Variants in CNNM3 observed in about 807,000 individuals in gnomAD.
The protein encoded by CNNM3 is cyclin and CBS domain divalent metal cation transport mediator 3.
Under a neutral mutation model 57.1 loss-of-function variants are expected in CNNM3, and 47 were observed. The observed-to-expected ratio is 0.82, with a 90% CI of 0.65 to 1.05. The LOEUF is 1.05. Ranked by LOEUF, CNNM3 falls within the 50% of genes least tolerant of loss-of-function variation. The pLI, the probability that CNNM3 is intolerant of heterozygous loss-of-function variation, is 0.00. For missense variants in CNNM3, 957 were observed against 973.7 expected, an observed-to-expected ratio of 0.98 and a Z score of 0.23; for synonymous variants, 507 against 478.2, an observed-to-expected ratio of 1.06 and a Z score of -0.79.
chr2:96,828,877 C>T lies in CNNM3; in HGVS notation c.1921-119C>T, dbSNP rs1334298169. On this transcript the variant is annotated intron_variant, in intron 6 of 7. Coordinates refer to ENST00000305510, the MANE Select transcript of CNNM3 (RefSeq NM_017623.5). Reference sequence around the variant, plus strand: ...AAACACTTGACTCAGTTGCTCTTCTCTGCCCTTAACTAGCTTAAAGTTGTG... The same window carrying T: ...AAACACTTGACTCAGTTGCTCTTCTTTGCCCTTAACTAGCTTAAAGTTGTG... 3.3e-6 allele frequency: 5 copies of T among 1,509,370 alleles called. No individual in the cohort carries two copies. The East Asian group carries it at 9.1e-5, about 27-fold the overall frequency. 93.5% of individuals were successfully genotyped at this position (1,509,370 alleles called of 1,614,324 possible).
At chr2:96,825,012 TG>T (rs745420372) in intron 1 of CNNM3, 45 bp from the exon 2 acceptor site, 24 of 1,602,820 alleles carry the variant, frequency 1.5e-5, no homozygotes, top group South Asian at 7.8e-5. Context: ...TGAATCAAAC[TG>T]GGGGGGGCCC....
chr2:96,819,592 C>A (rs2079377129), intron 1 of CNNM3, among the ~76,000 whole-genome samples: 1 of 152,160 alleles, frequency 6.6e-6, no homozygotes. Context: ...CTAGGCAGGT[C>A]ACCAGACTTC....
chr2:96,828,925 T>A, intron 6 of CNNM3, 71 bp from the exon 7 acceptor site: 6 of 1,592,602 alleles, frequency 3.8e-6, no homozygotes, highest in Non-Finnish European at 5.2e-6. Context: ...TCGGGCACGG[T>A]GTCACCTTTC....
At chr2:96,818,497 C>G (rs1053654207) in intron 1 of CNNM3, among the ~76,000 whole-genome samples, 1 of 151,712 alleles carries the variant, frequency 6.6e-6, no homozygotes, top group African/African-American at 2.4e-5. Context: ...GTGATCCTCC[C>G]ACCTTGGCCT....
rs376888675 is a variant in CNNM3, at chr2:96,825,052, C to A, written c.1226-6C>A. ...AAGCTGTTCCATGAGTGTCCTCCCC[C>A]CACAGGGAAGTCCCACCTGGCCATC... On this transcript the variant is annotated splice_polypyrimidine_tract_variant and splice_region_variant and intron_variant, in intron 1 of 7. Coordinates refer to ENST00000305510, the MANE Select transcript of CNNM3 (RefSeq NM_017623.5). 6 of 1,612,228 alleles carry A rather than the reference C, an allele frequency of 3.7e-6. No homozygotes were observed. Among genetic ancestry groups the A allele is most frequent in the African/African-American group, 2.7e-5 (2 of 74,864 alleles).
chr2:96,832,748 G>C lies in CNNM3; in HGVS notation c.*132G>C. 2.6e-6 allele frequency: 4 copies of C among 1,534,912 alleles called. No homozygotes were observed. In the South Asian group the frequency reaches 3.6e-5, roughly 14 times the overall value. ...CGTTTTAGATGGCCCTTGTAGTTGCGGGTCCTGGGTGTCCTCAGAACTAGA... is the reference window on the plus strand; with the variant it reads ...CGTTTTAGATGGCCCTTGTAGTTGCCGGTCCTGGGTGTCCTCAGAACTAGA... On this transcript the variant is annotated 3_prime_UTR_variant, in exon 8 of 8. Coordinates refer to ENST00000305510, the MANE Select transcript of CNNM3 (RefSeq NM_017623.5).
intron 5 of CNNM3, 135 bp downstream of exon 5, chr2:96,828,330 C>A (rs2079544844): frequency 1.1e-6 from 1 of 871,378 alleles, no homozygotes; most frequent in Non-Finnish European, 1.8e-6. Flanking sequence ...GGTGGTGTAG[C>A]CCCTGGGCTT....
chr2:96,834,877 A>C lies in CNNM3; in HGVS notation c.*2261A>C, dbSNP rs189291680. ...TTTTCCTAACTTTATATTTTGAAAT[A>C]ATTTCAGATGATAGGAAGTTGTAAA... is the stretch of plus-strand genomic sequence containing the variant. On this transcript the variant is annotated 3_prime_UTR_variant, in exon 8 of 8. Coordinates refer to ENST00000305510, the MANE Select transcript of CNNM3 (RefSeq NM_017623.5). Among the ~76,000 whole-genome samples the C allele has an allele frequency of 6.6e-6, 1 of 152,190 alleles. No individual in the cohort carries two copies. Among genetic ancestry groups the C allele is most frequent in the Non-Finnish European group, 1.5e-5 (1 of 68,034 alleles).
At chr2:96,827,029 G>A (rs928473049) in intron 3 of CNNM3, 47 bp downstream of exon 3, 8 of 1,597,184 alleles carry the variant, frequency 5.0e-6, no homozygotes, top group Non-Finnish European at 6.0e-6. Context: ...TCACCGTTCT[G>A]TGGGTCAGGA....
chr2:96,827,805 C>G lies in CNNM3; in HGVS notation c.1594C>G (p.Gln532Glu). 2 of 1,614,192 alleles carry G rather than the reference C, an allele frequency of 1.2e-6. No homozygotes were observed. The highest frequency in any genetic ancestry group is 1.7e-6 in the Non-Finnish European group (2 of 1,180,034). The change falls in exon 4 of 8, where the codon CAG becomes GAG. Residue 532 changes from glutamine to glutamate, a missense_variant. Gln to Glu is a conservative substitution (Grantham distance 29). Transcript: ENST00000305510. Reference sequence around the variant, plus strand: ...CCTGTTGAAGCATCCCAGTGTCAACCAGGAAGTGAGGTTTGACGAGAGCAA... The same window carrying G: ...CCTGTTGAAGCATCCCAGTGTCAACGAGGAAGTGAGGTTTGACGAGAGCAA... Reference protein sequence around the residue: ...LHLLKHPSVNQEVRFDESNRL... With the variant: ...LHLLKHPSVNEEVRFDESNRL...
Position 96,817,211 on chromosome 2 carries a change from C to T in CNNM3, c.934C>T (p.Arg312Trp). ...TCTCAGCAAGGGCGTGCTGCGCTGC[C>T]GGACCGTGGAGGACGTGCTCACGCC... ...SDLSKGVLRC[R>W]TVEDVLTPLE... The change falls in exon 1 of 8, where the codon CGG (arginine) becomes TGG (tryptophan). Residue 312 changes from arginine to tryptophan, a missense_variant. By Grantham distance (101) the Arg-to-Trp change is moderately radical. Transcript: ENST00000305510. 3 of 1,595,924 alleles carry T rather than the reference C, an allele frequency of 1.9e-6. No homozygotes were observed. The highest frequency in any genetic ancestry group is 2.6e-6 in the Non-Finnish European group (3 of 1,173,224).
rs750723416 is a variant in CNNM3 at position 96,832,706 on chromosome 2, C to G, written c.*90C>G. 9.4e-6 allele frequency: 15 copies of G among 1,589,310 alleles called. No individual in the cohort carries two copies. The highest frequency in any genetic ancestry group is 1.3e-5 in the Non-Finnish European group (15 of 1,172,336). ...GCAGAAGTTTTGTGCCCGCCTGCCCCCATCCCCTCCAGGCCACGTTTTAGA... is the reference window on the plus strand; with the variant it reads ...GCAGAAGTTTTGTGCCCGCCTGCCCGCATCCCCTCCAGGCCACGTTTTAGA... On this transcript the variant is annotated 3_prime_UTR_variant, in exon 8 of 8. Transcript: ENST00000305510.
chr2:96,829,064 G>C lies in CNNM3; in HGVS notation c.1989G>C (p.Glu663Asp), dbSNP rs1574113878. 6.2e-7 allele frequency: 1 copy of C among 1,613,944 alleles called. No individual in the cohort carries two copies. The highest frequency in any genetic ancestry group is 8.5e-7 in the Non-Finnish European group (1 of 1,180,014). ...TRAQNLPQSP[E>D]NTDLQVIPGS... ...CCCAGAACCTGCCACAGTCCCCTGA[G>C]AACACCGACCTGCAGGTTATTCCAG... Residue 663 changes from glutamate to aspartate, a missense_variant, in exon 7 of 8, where the codon GAG becomes GAC. Glu to Asp is a conservative substitution (Grantham distance 45). Around this residue, in one of 2 missense-constraint regions of CNNM3, gnomAD observed 491 missense variants for 570.6 expected, o/e 0.86. Transcript: ENST00000305510.
intron 1 of CNNM3, among the ~76,000 whole-genome samples, chr2:96,818,405 T>G (rs2079357642): frequency 6.6e-6 from 1 of 151,372 alleles, no homozygotes; most frequent in African/African-American, 2.4e-5. Flanking sequence ...TTTTTGCTTT[T>G]TAATCTCCTG....
At position 96,834,422 on chromosome 2, in the gene CNNM3, G is replaced by T. The variant is rs1203839484; in HGVS notation, c.*1806G>T. Among the ~76,000 whole-genome samples, 1 of 151,772 alleles carries T rather than the reference G, an allele frequency of 6.6e-6. No individual in the cohort carries two copies. Among genetic ancestry groups the T allele is most frequent in the East Asian group, 1.9e-4 (1 of 5,172 alleles). On this transcript the variant is annotated 3_prime_UTR_variant, in exon 8 of 8. Coordinates refer to ENST00000305510, the MANE Select transcript of CNNM3 (RefSeq NM_017623.5). ...TGCAGTGGTGTGATCACGGCTTGCTGCAGCCTCGACCTCCCTGGTTCAGGC... is the reference window on the plus strand; with the variant it reads ...TGCAGTGGTGTGATCACGGCTTGCTTCAGCCTCGACCTCCCTGGTTCAGGC...
rs540278697 is a variant in CNNM3 at position 96,833,005 on chromosome 2, C to T, written c.*389C>T. 17 of 1,323,896 alleles carry T rather than the reference C, an allele frequency of 1.3e-5. No homozygotes were observed. Among genetic ancestry groups the T allele is most frequent in the South Asian group, 8.6e-5 (7 of 81,296 alleles). 82.0% of individuals were successfully genotyped at this position (1,323,896 alleles called of 1,614,324 possible). ...AGTGCAGTTACTGCCTTTGTGTGGC[C>T]GTGACCTCTATTTGTTTGCTTTTAA... On this transcript the variant is annotated 3_prime_UTR_variant, in exon 8 of 8. Transcript: ENST00000305510.
In CNNM3 at chr2:96,829,036, G is replaced by T. The variant is rs149301704; in HGVS notation, c.1961G>T (p.Arg654Leu). ...LQYLNALLAT[R>L]AQNLPQSPEN... ...TACCTCAATGCACTCCTGGCTACCC[G>T]AGCCCAGAACCTGCCACAGTCCCCT... The change falls in exon 7 of 8, where the codon CGA becomes CTA. Residue 654 changes from arginine to leucine, a missense_variant. Coordinates refer to ENST00000305510, the MANE Select transcript of CNNM3 (RefSeq NM_017623.5). 6 of 1,613,868 alleles carry T rather than the reference G, an allele frequency of 3.7e-6. No individual in the cohort carries two copies. The East Asian group carries it at 1.3e-4, about 36-fold the overall frequency.
chr2:96,828,602 C>T lies in CNNM3; in HGVS notation c.1822C>T (p.Arg608Cys), dbSNP rs199790791. ...QSPVSSLQPI[R>C]HDLQPDPGDG... is the part of the protein sequence containing the mutation. ...CCCGGTGTCCTCGCTCCAGCCCATCCGCCATGACCTGCAGCCCGACCCAGG... is the reference window on the plus strand; with the variant it reads ...CCCGGTGTCCTCGCTCCAGCCCATCTGCCATGACCTGCAGCCCGACCCAGG... Residue 608 changes from arginine (R) to cysteine (C), a missense_variant, in exon 6 of 8, where the codon CGC becomes TGC. This residue lies in a region of CNNM3 where 491 missense variants were observed against 570.6 expected (regional missense o/e 0.86). Coordinates refer to ENST00000305510, the MANE Select transcript of CNNM3 (RefSeq NM_017623.5). 1.2e-4 allele frequency: 193 copies of T among 1,614,214 alleles called. No homozygotes were observed. Among genetic ancestry groups the T allele is most frequent in the South Asian group, 1.1e-3 (96 of 91,088 alleles).
At position 96,827,913 on chromosome 2, in the gene CNNM3, C is replaced by T. The variant is rs2079537241; in HGVS notation, c.1689+13C>T. The T allele has an allele frequency of 1.2e-6, 2 of 1,607,688 alleles. No homozygotes were observed. Among genetic ancestry groups the T allele is most frequent in the South Asian group, 1.1e-5 (1 of 90,400 alleles). ...TCTCATCCTGCAGGTAGCTGTGGGTCCCAGGCCTGGAGTCCCTCCTGCTTC... is the reference window on the plus strand; with the variant it reads ...TCTCATCCTGCAGGTAGCTGTGGGTTCCAGGCCTGGAGTCCCTCCTGCTTC... On this transcript the variant is annotated intron_variant, in intron 4 of 7. Transcript: ENST00000305510.
Sources: gnomAD v4.1 joint callset for allele counts (sites outside exome capture counted in the v4.1 genomes callset) on GRCh38, gnomAD v4.1.1 for gene constraint, gnomAD v4.1.1 regional missense constraint, MANE v1.5 for transcripts, NCBI Gene and HGNC (gene_info 2026-07-23, HGNC 2026-07-21) for gene names.